Variants in CDH4 observed in about 807,000 individuals in gnomAD.
CDH4 encodes cadherin 4, also known as cadherin-4.
In CDH4, 33 loss-of-function variants were observed where a neutral mutation model predicts 86.0. The observed-to-expected ratio is 0.38, with a 90% CI of 0.29 to 0.51. The LOEUF (loss-of-function observed/expected upper bound fraction) is 0.51, where lower values mean the gene tolerates loss of function less well. CDH4 is among the 20% of genes least tolerant of loss of function. CDH4 has a pLI of 0.86. For synonymous variants in CDH4, 555 were observed against 549.4 expected (o/e 1.01, Z -0.14); for missense variants, 1,114 against 1,307.4 (o/e 0.85, Z 2.28).
intron 2 of CDH4, among the ~76,000 whole-genome samples, chr20:61,721,074 A>C (rs2088035771): frequency 6.6e-6 from 1 of 152,088 alleles, no homozygotes; most frequent in South Asian, 2.1e-4. Context: ...CCACTCTTGC[A>C]CCCTCCAGTA....
rs571361446 is a variant in CDH4, at chr20:61,363,337, C to A, written c.169+108400C>A. On this transcript the variant is annotated intron_variant, in intron 2 of 15. Transcript: ENST00000614565. ...ACTGTGCAGGGTTTGGGGGATATAA[C>A]GGCCAGGAAAACAGATAGATTCCTT... 5.5e-4 allele frequency among the ~76,000 whole-genome samples: 84 copies of A among 152,244 alleles called. 1 individual carries two copies. In the East Asian group the frequency reaches 0.015, roughly 27 times the overall value.
rs2085560624 is a variant in CDH4, at chr20:61,480,103, G to A, written c.169+225166G>A. Among the ~76,000 whole-genome samples the A allele has an allele frequency of 4.6e-5, 7 of 152,252 alleles. No homozygotes were observed. In the South Asian group the frequency reaches 1.2e-3, roughly 27 times the overall value. On this transcript the variant is annotated intron_variant, in intron 2 of 15. Coordinates refer to ENST00000614565, the MANE Select transcript of CDH4 (RefSeq NM_001794.5). The surrounding 1 kb of genome is among the most constrained non-coding windows in gnomAD (Gnocchi z 5.2). ...ATTCTTCAACAAATACGGGATATAG[G>A]AATGGTAACTTTTTAATGTTCTTGG...
At chr20:61,819,418 C>G (rs1043156734) in intron 4 of CDH4, among the ~76,000 whole-genome samples, 170 of 152,362 alleles carry the variant, frequency 1.1e-3, no homozygotes, top group African/African-American at 4.0e-3. Context: ...CTCGCTCTGC[C>G]CCGGGAGCGT....
chr20:61,831,206 T>C (rs1267380309), intron 4 of CDH4, among the ~76,000 whole-genome samples: 1 of 152,230 alleles, frequency 6.6e-6, no homozygotes, highest in Non-Finnish European at 1.5e-5. Context: ...TGACCACATC[T>C]GGCACTGGGA....
chr20:61,454,469 G>A (rs374700517), intron 2 of CDH4, among the ~76,000 whole-genome samples: 114 of 152,112 alleles, frequency 7.5e-4, no homozygotes, highest in African/African-American at 2.4e-3. Context: ...TTTTTGAGAC[G>A]GAGTCTCACT....
intron 2 of CDH4, among the ~76,000 whole-genome samples, chr20:61,594,565 G>A (rs1176029681): frequency 6.6e-6 from 1 of 152,234 alleles, no homozygotes; most frequent in Admixed American, 6.5e-5. Context: ...GGGCAGCTCA[G>A]TGGGGCTCGA....
At chr20:61,588,138 C>T (rs2086492220) in intron 2 of CDH4, among the ~76,000 whole-genome samples, 1 of 152,172 alleles carries the variant, frequency 6.6e-6, no homozygotes, top group South Asian at 2.1e-4. Flanking sequence ...GCTTAGCCTG[C>T]CACGACCCTT....
At chr20:61,580,108 C>A (rs2086414123) in intron 2 of CDH4, among the ~76,000 whole-genome samples, 1 of 148,242 alleles carries the variant, frequency 6.7e-6, no homozygotes, top group South Asian at 2.1e-4. Context: ...GACTTACGGA[C>A]TCTTACACTG....
chr20:61,661,084 C>CGGGGGGGTGG (rs1555821280), intron 2 of CDH4, among the ~76,000 whole-genome samples: 2 of 74,796 alleles, frequency 2.7e-5, no homozygotes, highest in African/African-American at 8.3e-5. Flanking sequence ...GGAGGCATGG[C>CGGGGGGGTGG]GGGGGGGGGG....
chr20:61,822,510 C>G (rs1300961737), intron 4 of CDH4, among the ~76,000 whole-genome samples: 1 of 151,858 alleles, frequency 6.6e-6, no homozygotes, highest in African/African-American at 2.4e-5. Context: ...GGCGACCTCG[C>G]TATCGATCTA....
Position 61,516,761 on chromosome 20 carries a change from G to A in CDH4, c.170-226802G>A, listed in dbSNP as rs1011477486. 6.6e-6 allele frequency among the ~76,000 whole-genome samples: 1 copy of A among 152,122 alleles called. No homozygotes were observed. The highest frequency in any genetic ancestry group is 6.5e-5 in the Admixed American group (1 of 15,276). On this transcript the variant is annotated intron_variant, in intron 2 of 15. Coordinates refer to ENST00000614565, the MANE Select transcript of CDH4 (RefSeq NM_001794.5). The surrounding 1 kb of genome is among the most constrained non-coding windows in gnomAD (Gnocchi z 4.0). The stretch of plus-strand genomic sequence containing the variant: ...CAGGCACTAAAAATAACCAGGCTCC[G>A]TTCCCAGGTCAGTGAGTGTCGGTTT...
chr20:61,686,584 CAT>C (rs773121383), intron 2 of CDH4, among the ~76,000 whole-genome samples: 2 of 143,868 alleles, frequency 1.4e-5, no homozygotes, highest in South Asian at 2.2e-4. Flanking sequence ...TGTGTGCATT[CAT>C]GTGTGTGCAT....
chr20:61,842,229 C>T (rs567871533), intron 4 of CDH4, among the ~76,000 whole-genome samples: 33 of 152,202 alleles, frequency 2.2e-4, no homozygotes, highest in Admixed American at 4.6e-4. Context: ...GCTATTCAGG[C>T]GCGATGAAGG....
intron 2 of CDH4, among the ~76,000 whole-genome samples, chr20:61,362,697 G>A (rs1307654594): frequency 2.0e-5 from 3 of 152,106 alleles, no homozygotes; most frequent in Non-Finnish European, 4.4e-5. Context: ...GATGACCTCC[G>A]GGGCCATCAG....
At chr20:61,859,126 G>A (rs779160862) in intron 6 of CDH4, among the ~76,000 whole-genome samples, 6 of 152,132 alleles carry the variant, frequency 3.9e-5, no homozygotes, top group East Asian at 1.9e-4. Flanking sequence ...GTGGCCCCTC[G>A]TGGTTTTAAT....
chr20:61,664,625 C>A (rs990825483), intron 2 of CDH4, among the ~76,000 whole-genome samples: 1 of 152,236 alleles, frequency 6.6e-6, no homozygotes, highest in African/African-American at 2.4e-5. Flanking sequence ...CACACGAACA[C>A]TTCTACTCCC....
At position 61,646,433 on chromosome 20, in the gene CDH4, A is replaced by G. The variant is rs138329453; in HGVS notation, c.170-97130A>G. On this transcript the variant is annotated intron_variant, in intron 2 of 15. Coordinates refer to ENST00000614565, the MANE Select transcript of CDH4 (RefSeq NM_001794.5). The stretch of plus-strand genomic sequence containing the variant: ...ACACACAGAGGACCAGGGCACAGTG[A>G]TCACCGGCTGTGGGCATGGGTGTCA... Among the ~76,000 whole-genome samples, 958 of 152,262 alleles carry G rather than the reference A, an allele frequency of 6.3e-3. 8 individuals carry two copies. The highest frequency in any genetic ancestry group is 9.6e-3 in the Non-Finnish European group (654 of 68,026).
intron 4 of CDH4, among the ~76,000 whole-genome samples, chr20:61,817,075 C>T (rs1165984883): frequency 6.6e-6 from 1 of 152,250 alleles, no homozygotes; most frequent in African/African-American, 2.4e-5. Context: ...TGGCTGGGCA[C>T]ATGGCGACCC....
At chr20:61,457,899 A>G (rs970971253) in intron 2 of CDH4, among the ~76,000 whole-genome samples, 7 of 149,480 alleles carry the variant, frequency 4.7e-5, no homozygotes, top group African/African-American at 2.5e-5. Context: ...AGTGGTGGTG[A>G]TGGTCATGGT....
Sources: allele counts gnomAD v4.1 joint callset (sites outside exome capture counted in the v4.1 genomes callset), GRCh38; gene constraint gnomAD v4.1.1; non-coding constraint Gnocchi (gnomAD v3.1); transcripts MANE v1.5; gene names NCBI Gene and HGNC (gene_info 2026-07-23, HGNC 2026-07-21).